The following TMED3 variants were observed in gnomAD, a reference collection of about 807,000 sequenced individuals.
The protein encoded by TMED3 is transmembrane emp24 domain-containing protein 3.
Under a neutral mutation model 15.0 loss-of-function variants are expected in TMED3, and 9 were observed. The observed-to-expected ratio is 0.60, with a 90% CI of 0.36 to 1.04. TMED3 has a LOEUF of 1.04. Ranked by LOEUF, TMED3 falls within the 50% of genes least tolerant of loss-of-function variation. The probability of loss-of-function intolerance (pLI) is 0.01; values close to 1 mark genes in which losing one functional copy is unlikely to be tolerated. For synonymous variants in TMED3, 117 were observed against 121.4 expected, an observed-to-expected ratio of 0.96 and a Z score of 0.24; for missense variants, 267 against 278.9, an observed-to-expected ratio of 0.96 and a Z score of 0.30.
chr15:79,321,741 C>T lies in TMED3; in HGVS notation c.418-237C>T, dbSNP rs180697957. Among the ~76,000 whole-genome samples, 348 of 152,318 alleles carry T rather than the reference C, an allele frequency of 2.3e-3. 3 individuals carry two copies. Among genetic ancestry groups the T allele is most frequent in the African/African-American group, 8.2e-3 (341 of 41,568 alleles). On this transcript the variant is annotated intron_variant, in intron 2 of 2. Transcript: ENST00000299705. ...TGCTTGAAAGCATAGGCTCAGGACT[C>T]AGACTCTAACTCAGCCACATACTAA...
chr15:79,337,069 C>T (rs1382031433), intron 2 of TMED3, among the ~76,000 whole-genome samples: 1 of 152,210 alleles, frequency 6.6e-6, no homozygotes, highest in Non-Finnish European at 1.5e-5. Flanking sequence ...TCTGCTTTAG[C>T]TGCTATCAGT....
At chr15:79,398,078 C>T (rs867278996) in intron 2 of TMED3, among the ~76,000 whole-genome samples, 9 of 152,138 alleles carry the variant, frequency 5.9e-5, no homozygotes, top group Non-Finnish European at 8.8e-5. Context: ...GACATGTATC[C>T]GTCATTATAG....
intron 2 of TMED3, among the ~76,000 whole-genome samples, chr15:79,398,009 T>C (rs1210593819): frequency 6.6e-6 from 1 of 152,236 alleles, no homozygotes; most frequent in African/African-American, 2.4e-5. Context: ...AAGTCCATAG[T>C]TTACGTTAGA....
Position 79,314,021 on chromosome 15 carries a change from C to G in TMED3, c.417+16C>G, listed in dbSNP as rs1158266325. 6.2e-7 allele frequency: 1 copy of G among 1,613,542 alleles called. No individual in the cohort carries two copies. The highest frequency in any genetic ancestry group is 2.2e-5 in the East Asian group (1 of 44,896). ...TCTCACCCAGGTGAGTGAACATTAG[C>G]AGTTCGGGGCTGCTGAACCCCCTAG... On this transcript the variant is annotated intron_variant, in intron 2 of 2. Transcript: ENST00000299705.
At chr15:79,319,557 G>T (rs992998716) in intron 2 of TMED3, among the ~76,000 whole-genome samples, 1 of 152,170 alleles carries the variant, frequency 6.6e-6, no homozygotes, top group Non-Finnish European at 1.5e-5. Context: ...GTGTGGAGAC[G>T]AGAGATTGTA....
chr15:79,408,027 G>A (rs4302013), intron 2 of TMED3, among the ~76,000 whole-genome samples: 2 of 151,928 alleles, frequency 1.3e-5, no homozygotes, highest in African/African-American at 2.4e-5. Context: ...TTACAAAGTC[G>A]TTGGAAAGAT....
chr15:79,331,932 A>G (rs1022529579), intron 2 of TMED3, among the ~76,000 whole-genome samples: 4 of 152,092 alleles, frequency 2.6e-5, no homozygotes, highest in African/African-American at 9.7e-5. Flanking sequence ...AGAAAAGGGA[A>G]CTCTTATACA....
chr15:79,376,657 T>C (rs1313435896), intron 2 of TMED3, among the ~76,000 whole-genome samples: 1 of 152,258 alleles, frequency 6.6e-6, no homozygotes, highest in South Asian at 2.1e-4. Flanking sequence ...CTTTCATTAA[T>C]GTCTCTAAAA....
intron 2 of TMED3, among the ~76,000 whole-genome samples, chr15:79,391,484 G>A (rs936999861): frequency 3.3e-5 from 5 of 152,034 alleles, no homozygotes; most frequent in Non-Finnish European, 7.4e-5. Flanking sequence ...TCGTTTTGTG[G>A]CCTATCATAT....
intron 2 of TMED3, among the ~76,000 whole-genome samples, chr15:79,333,511 G>C (rs1257214578): frequency 6.6e-6 from 1 of 152,142 alleles, no homozygotes; most frequent in Non-Finnish European, 1.5e-5. Context: ...ATAGTTTAAG[G>C]CTATTTTCCT....
chr15:79,343,136 A>G (rs1464412690), intron 2 of TMED3, among the ~76,000 whole-genome samples: 5 of 152,164 alleles, frequency 3.3e-5, no homozygotes, highest in Non-Finnish European at 7.3e-5. Context: ...AAAGGGGTAT[A>G]GTGGTTAAAA....
chr15:79,312,777 C>T (rs1797505000), intron 1 of TMED3, among the ~76,000 whole-genome samples: 1 of 152,158 alleles, frequency 6.6e-6, no homozygotes, highest in Admixed American at 6.5e-5. Flanking sequence ...TTTTTCTTCT[C>T]CTTGCATTCA....
chr15:79,374,674 A>T (rs962549369), intron 2 of TMED3, among the ~76,000 whole-genome samples: 12 of 152,190 alleles, frequency 7.9e-5, no homozygotes, highest in African/African-American at 2.9e-4. Context: ...ATGCCTGCCA[A>T]ATTGTCTACC....
chr15:79,366,238 T>C (rs1024866355), intron 2 of TMED3, among the ~76,000 whole-genome samples: 6 of 152,232 alleles, frequency 3.9e-5, no homozygotes, highest in Non-Finnish European at 8.8e-5. Flanking sequence ...TACACAGCAC[T>C]CTGCAGCCCA....
At chr15:79,344,283 C>T (rs549569334) in intron 2 of TMED3, among the ~76,000 whole-genome samples, 11 of 152,268 alleles carry the variant, frequency 7.2e-5, no homozygotes, top group East Asian at 3.9e-4. Flanking sequence ...CTGGTGTTGG[C>T]GTCCTAGGAT....
chr15:79,337,156 T>A (rs534744854), intron 2 of TMED3, among the ~76,000 whole-genome samples: 1 of 152,262 alleles, frequency 6.6e-6, no homozygotes, highest in African/African-American at 2.4e-5. Context: ...AGAAATTAAT[T>A]TTCTCACCGT....
chr15:79,402,068 A>G lies in TMED3; in HGVS notation c.418-9332A>G, dbSNP rs980266905. On this transcript the variant is annotated intron_variant, in intron 2 of 2. Transcript: ENST00000424155. ...TTTTGGGAAGATGGTTTATTTTGAG[A>G]CCTCAGGGATCAGGAGGAAGGGAAA... Among the ~76,000 whole-genome samples the G allele has an allele frequency of 1.8e-4, 27 of 152,132 alleles. 1 individual carries two copies. Among genetic ancestry groups the G allele is most frequent in the African/African-American group, 6.0e-4 (25 of 41,430 alleles).
chr15:79,317,018 G>A (rs1310719454), intron 2 of TMED3, among the ~76,000 whole-genome samples: 4 of 152,156 alleles, frequency 2.6e-5, no homozygotes, highest in Non-Finnish European at 4.4e-5. Flanking sequence ...TCTTGGGGAT[G>A]ATTCTCGGGG....
chr15:79,349,824 A>G (rs781192010), intron 2 of TMED3, among the ~76,000 whole-genome samples: 150 of 152,294 alleles, frequency 9.8e-4, no homozygotes, highest in Admixed American at 2.8e-3. Flanking sequence ...CTGATTTTTC[A>G]GTGGCTCCAT....
Sources: allele counts gnomAD v4.1 joint callset (sites outside exome capture counted in the v4.1 genomes callset), GRCh38; gene constraint gnomAD v4.1.1; transcripts MANE v1.5; gene names NCBI Gene and HGNC (gene_info 2026-07-23, HGNC 2026-07-21).